Variants in SLC39A11 observed in about 807,000 individuals in gnomAD.
The protein encoded by SLC39A11 is zinc transporter ZIP11.
SLC39A11 carries 33 observed loss-of-function variants against 36.1 expected under a neutral mutation model. That is an observed-to-expected ratio of 0.91 (90% CI 0.69 to 1.22). The LOEUF (loss-of-function observed/expected upper bound fraction) is 1.22. SLC39A11 is among the 50% of genes most tolerant of loss of function. The pLI is 0.00. For missense variants in SLC39A11, 432 were observed against 430.3 expected, an observed-to-expected ratio of 1.00 and a Z score of -0.03; for synonymous variants, 166 against 170.3, an observed-to-expected ratio of 0.97 and a Z score of 0.20.
At chr17:73,022,264 C>A (rs908764544) in intron 4 of SLC39A11, among the ~76,000 whole-genome samples, 2 of 152,210 alleles carry the variant, frequency 1.3e-5, no homozygotes, top group Non-Finnish European at 2.9e-5. Context: ...CACTTGCAGG[C>A]ATCCACAGAA....
chr17:72,730,091 T>C (rs2074154755), intron 7 of SLC39A11, among the ~76,000 whole-genome samples: 1 of 152,222 alleles, frequency 6.6e-6, no homozygotes, highest in African/African-American at 2.4e-5. Context: ...GTAAGCTTTC[T>C]AATGACTGGG....
chr17:72,646,055 AACAT>A lies in SLC39A11; in HGVS notation c.*1525_*1528del, dbSNP rs768470166. On this transcript the variant is annotated 3_prime_UTR_variant, in exon 10 of 10. Coordinates refer to ENST00000255559, the MANE Select transcript of SLC39A11 (RefSeq NM_139177.4). ...ACTACATACAAAGACATAAAAATAA[AACAT>A]ACATACACCAACCACCACACCAGTT... 6.5e-6 allele frequency: 1 copy of A among 152,674 alleles called. No individual in the cohort carries two copies. Among genetic ancestry groups the A allele is most frequent in the Non-Finnish European group, 1.5e-5 (1 of 68,052 alleles). The allele number at this position is 152,674 out of a possible 1,614,324, so 9.5% of individuals were successfully genotyped here.
chr17:73,021,346 C>CT (rs773609870), intron 4 of SLC39A11, among the ~76,000 whole-genome samples: 3 of 148,496 alleles, frequency 2.0e-5, no homozygotes, highest in African/African-American at 4.9e-5. Context: ...TTCTTTCTTT[C>CT]TTTTTTTTTT....
At chr17:73,077,232 T>C (rs1056694017) in intron 3 of SLC39A11, among the ~76,000 whole-genome samples, 2 of 152,230 alleles carry the variant, frequency 1.3e-5, no homozygotes, top group Non-Finnish European at 2.9e-5. Flanking sequence ...CCCAACTGTC[T>C]CCCATATGAT....
intron 6 of SLC39A11, among the ~76,000 whole-genome samples, chr17:72,761,545 T>G (rs1055983105): frequency 6.6e-6 from 1 of 152,066 alleles, no homozygotes; most frequent in Non-Finnish European, 1.5e-5. Flanking sequence ...CCATTTTATT[T>G]CACATTTTCA....
At chr17:72,761,566 T>C (rs1361495976) in intron 6 of SLC39A11, among the ~76,000 whole-genome samples, 2 of 152,254 alleles carry the variant, frequency 1.3e-5, no homozygotes, top group African/African-American at 2.4e-5. Context: ...AACATAATCC[T>C]TCTAGCCACC....
At chr17:72,847,494 C>T (rs2079107005) in intron 6 of SLC39A11, among the ~76,000 whole-genome samples, 1 of 151,712 alleles carries the variant, frequency 6.6e-6, no homozygotes, top group South Asian at 2.1e-4. Context: ...GAGGGAGACA[C>T]ATAAACTGAT....
chr17:72,873,226 C>T (rs1445670315), intron 5 of SLC39A11, among the ~76,000 whole-genome samples: 1 of 152,060 alleles, frequency 6.6e-6, no homozygotes, highest in Non-Finnish European at 1.5e-5. Context: ...GACCGGCTGG[C>T]ACCACCTGGA....
chr17:72,744,631 T>C (rs570723315), intron 6 of SLC39A11, among the ~76,000 whole-genome samples: 50 of 152,238 alleles, frequency 3.3e-4, no homozygotes, highest in Non-Finnish European at 5.7e-4. Flanking sequence ...GCAGATTTGG[T>C]GTCTGGTGAG....
intron 4 of SLC39A11, among the ~76,000 whole-genome samples, chr17:72,950,877 G>C (rs866612775): frequency 3.3e-5 from 5 of 152,030 alleles, no homozygotes; most frequent in South Asian, 2.1e-4. Flanking sequence ...GTCATAACTG[G>C]GGGGCTGAGC....
At chr17:73,009,354 CAAAAAA>C (rs56818175) in intron 4 of SLC39A11, among the ~76,000 whole-genome samples, 1 of 92,606 alleles carries the variant, frequency 1.1e-5, no homozygotes, top group Non-Finnish European at 2.2e-5. Flanking sequence ...GACTCCATCT[CAAAAAA>C]AAAAAAAAAA....
chr17:72,858,301 T>C (rs895949188), intron 5 of SLC39A11, among the ~76,000 whole-genome samples: 6 of 152,212 alleles, frequency 3.9e-5, no homozygotes, highest in Non-Finnish European at 7.3e-5. Context: ...TTCAGCCTTA[T>C]ATATGGGTTT....
At chr17:72,999,770 C>T (rs1334943157) in intron 4 of SLC39A11, among the ~76,000 whole-genome samples, 2 of 152,098 alleles carry the variant, frequency 1.3e-5, no homozygotes, top group Non-Finnish European at 2.9e-5. Flanking sequence ...GATGAAGTTT[C>T]ACTCTTGTTG....
intron 5 of SLC39A11, among the ~76,000 whole-genome samples, chr17:72,881,229 T>A (rs2081185067): frequency 6.6e-6 from 1 of 152,188 alleles, no homozygotes; most frequent in Non-Finnish European, 1.5e-5. Flanking sequence ...CAGCTTTATT[T>A]GTAATAGCCT....
intron 4 of SLC39A11, among the ~76,000 whole-genome samples, chr17:72,974,201 C>A (rs767066670): frequency 2.1e-4 from 32 of 152,072 alleles, no homozygotes; most frequent in Non-Finnish European, 3.7e-4. Flanking sequence ...CCAGGTTCAA[C>A]TGATTCTCAT....
intron 3 of SLC39A11, among the ~76,000 whole-genome samples, chr17:73,054,187 C>A (rs1038532242): frequency 6.6e-6 from 1 of 152,028 alleles, no homozygotes; most frequent in Non-Finnish European, 1.5e-5. Flanking sequence ...CATGGTGAAA[C>A]CCCGTGTCTA....
intron 4 of SLC39A11, among the ~76,000 whole-genome samples, chr17:72,978,711 C>T (rs1366554031): frequency 6.6e-6 from 1 of 152,050 alleles, no homozygotes; most frequent in Non-Finnish European, 1.5e-5. Flanking sequence ...GGGACAGAGA[C>T]AGTAATGCCT....
chr17:72,846,273 G>A (rs866883044), intron 6 of SLC39A11, among the ~76,000 whole-genome samples: 1 of 151,718 alleles, frequency 6.6e-6, no homozygotes, highest in Non-Finnish European at 1.5e-5. Flanking sequence ...CAAGTGATCC[G>A]CCCACCTTGG....
intron 5 of SLC39A11, among the ~76,000 whole-genome samples, chr17:72,872,093 T>C (rs1268500224): frequency 6.6e-6 from 1 of 152,204 alleles, no homozygotes; most frequent in Non-Finnish European, 1.5e-5. Context: ...ATTTTTCCTA[T>C]ACAAGAGGTA....
Sources: gnomAD v4.1 joint callset for allele counts (sites outside exome capture counted in the v4.1 genomes callset) on GRCh38, gnomAD v4.1.1 for gene constraint, MANE v1.5 for transcripts, NCBI Gene and HGNC (gene_info 2026-07-23, HGNC 2026-07-21) for gene names.